The following GRIK2 variants were observed in gnomAD, a reference collection of about 807,000 sequenced individuals.
The protein encoded by GRIK2 is glutamate receptor ionotropic, kainate 2.
Under a neutral mutation model 100.3 loss-of-function variants are expected in GRIK2, and 32 were observed. The observed-to-expected ratio is 0.32, with a 90% CI of 0.24 to 0.43. GRIK2 has a LOEUF of 0.43. Ranked by LOEUF, GRIK2 falls within the 20% of genes least tolerant of loss-of-function variation. The pLI is 1.00. For missense variants in GRIK2, 843 were observed against 1,114.9 expected (o/e 0.76, Z 3.47); for synonymous variants, 417 against 389.4 (o/e 1.07, Z -0.83).
intron 2 of GRIK2, among the ~76,000 whole-genome samples, chr6:101,611,488 T>C (rs190539285): frequency 6.6e-6 from 1 of 151,968 alleles, no homozygotes; most frequent in Admixed American, 6.6e-5. Context: ...GGTTACATAT[T>C]TGTATAGTTT....
chr6:101,682,843 G>A (rs1197045833), intron 6 of GRIK2, among the ~76,000 whole-genome samples: 1 of 151,968 alleles, frequency 6.6e-6, no homozygotes, highest in African/African-American at 2.4e-5. Flanking sequence ...TTTTTATGTT[G>A]CTTTAGAGAA....
chr6:101,929,303 A>G (rs568699518), intron 14 of GRIK2, among the ~76,000 whole-genome samples: 13 of 152,226 alleles, frequency 8.5e-5, no homozygotes, highest in African/African-American at 3.1e-4. Flanking sequence ...GCCAAAGTAG[A>G]CCAGTTGAGG....
chr6:101,620,029 C>G (rs1159856808), intron 2 of GRIK2: 1 of 152,152 alleles, frequency 6.6e-6, no homozygotes, highest in Non-Finnish European at 1.5e-5. Context: ...ATGTTTTGTA[C>G]ATGCTAACAT....
At chr6:101,571,725 G>A (rs1290794970) in intron 2 of GRIK2, among the ~76,000 whole-genome samples, 1 of 151,970 alleles carries the variant, frequency 6.6e-6, no homozygotes, top group Non-Finnish European at 1.5e-5. Context: ...CTTGAAGATG[G>A]CCTATATTTC....
intron 2 of GRIK2, among the ~76,000 whole-genome samples, chr6:101,484,273 T>G (rs1303918515): frequency 6.6e-6 from 1 of 152,140 alleles, no homozygotes; most frequent in African/African-American, 2.4e-5. Context: ...TTTATAACCA[T>G]CTCCTTCCAA....
At chr6:101,478,468 A>T (rs1402132643) in intron 2 of GRIK2, among the ~76,000 whole-genome samples, 1 of 150,816 alleles carries the variant, frequency 6.6e-6, no homozygotes. Context: ...GTTACATTAT[A>T]TACAAAGGAA....
chr6:101,576,165 C>T (rs1393705234), intron 2 of GRIK2, among the ~76,000 whole-genome samples: 2 of 151,922 alleles, frequency 1.3e-5, no homozygotes, highest in African/African-American at 4.8e-5. Context: ...CACACATTTT[C>T]TACAGGATGC....
At chr6:101,987,571 TA>T (rs1794087124) in intron 14 of GRIK2, among the ~76,000 whole-genome samples, 1 of 151,204 alleles carries the variant, frequency 6.6e-6, no homozygotes. Flanking sequence ...CTAAGCCTAT[TA>T]ATGACATCCT....
intron 11 of GRIK2, among the ~76,000 whole-genome samples, chr6:101,872,974 C>T (rs1004488083): frequency 6.6e-6 from 1 of 151,742 alleles, no homozygotes; most frequent in African/African-American, 2.4e-5. Flanking sequence ...GACAGTGATA[C>T]CATAGTGAAG....
intron 14 of GRIK2, among the ~76,000 whole-genome samples, chr6:101,954,902 C>T (rs2128480368): frequency 1.3e-5 from 2 of 152,234 alleles, no homozygotes; most frequent in African/African-American, 4.8e-5. Context: ...GAGTGCTTTT[C>T]AATCACTCCA....
At chr6:101,756,063 C>T (rs764250043) in intron 7 of GRIK2, among the ~76,000 whole-genome samples, 2 of 152,102 alleles carry the variant, frequency 1.3e-5, no homozygotes, top group African/African-American at 2.4e-5. Context: ...CTCCCTCCCC[C>T]CCAGGTTTTG....
At chr6:101,944,516 G>A (rs1043412179) in intron 14 of GRIK2, among the ~76,000 whole-genome samples, 4 of 152,028 alleles carry the variant, frequency 2.6e-5, no homozygotes, top group African/African-American at 9.7e-5. Context: ...TTGCTCTTTG[G>A]TTGAGTCAAA....
chr6:101,673,715 T>C (rs1297962924), intron 4 of GRIK2, among the ~76,000 whole-genome samples: 2 of 152,350 alleles, frequency 1.3e-5, no homozygotes, highest in Non-Finnish European at 2.9e-5. Context: ...GATTATCCTG[T>C]ATATGATTCC....
intron 11 of GRIK2, among the ~76,000 whole-genome samples, chr6:101,879,975 T>G (rs1562460379): frequency 6.6e-6 from 1 of 152,032 alleles, no homozygotes; most frequent in East Asian, 1.9e-4. Context: ...ATAAAACTGC[T>G]GACTCAATAG....
intron 7 of GRIK2, among the ~76,000 whole-genome samples, chr6:101,758,071 A>C (rs1777245254): frequency 1.3e-5 from 2 of 152,132 alleles, no homozygotes; most frequent in South Asian, 4.1e-4. Context: ...TTTACAAAAA[A>C]TACTAGCCTG....
intron 10 of GRIK2, among the ~76,000 whole-genome samples, chr6:101,841,991 T>C (rs541578224): frequency 6.6e-6 from 1 of 152,278 alleles, no homozygotes; most frequent in African/African-American, 2.4e-5. Context: ...TGATTTACTT[T>C]AGGTAAGTTG....
At chr6:101,872,174 T>A (rs1192603215) in intron 11 of GRIK2, among the ~76,000 whole-genome samples, 1 of 151,958 alleles carries the variant, frequency 6.6e-6, no homozygotes, top group Non-Finnish European at 1.5e-5. Flanking sequence ...CTATCCAATT[T>A]CTTATTCATG....
At chr6:101,786,910 A>C (rs1779461892) in intron 7 of GRIK2, among the ~76,000 whole-genome samples, 1 of 152,038 alleles carries the variant, frequency 6.6e-6, no homozygotes, top group Non-Finnish European at 1.5e-5. Flanking sequence ...ATTTTTTAAA[A>C]GTTAGGTAGA....
chr6:101,928,284 T>C (rs572294051), intron 13 of GRIK2, 131 bp from the exon 14 acceptor site: 2 of 621,340 alleles, frequency 3.2e-6, no homozygotes, highest in South Asian at 3.9e-5. Flanking sequence ...GCTTGCTTAC[T>C]AAAGAAATAT....
Sources: gnomAD v4.1 joint callset for allele counts (sites outside exome capture counted in the v4.1 genomes callset) on GRCh38, gnomAD v4.1.1 for gene constraint, MANE v1.5 for transcripts, NCBI Gene and HGNC (gene_info 2026-07-23, HGNC 2026-07-21) for gene names.